TACC2: variants seen among roughly 807,000 people sequenced by gnomAD.
TACC2 encodes transforming acidic coiled-coil containing protein 2.
TACC2 carries 137 observed loss-of-function variants against 227.3 expected under a neutral mutation model. The observed-to-expected ratio is 0.60, with a 90% CI of 0.52 to 0.69. TACC2 has a LOEUF of 0.69. Among genes scored for constraint, TACC2 ranks in the 30% least tolerant of loss-of-function variants. The probability of loss-of-function intolerance (pLI) is 0.00; values close to 1 mark genes in which losing one functional copy is unlikely to be tolerated. For missense variants in TACC2, 3,470 were observed against 3,694.4 expected, an observed-to-expected ratio of 0.94 and a Z score of 1.57; for synonymous variants, 1,523 against 1,487.5, an observed-to-expected ratio of 1.02 and a Z score of -0.55.
chr10:122,195,876 C>CA (rs559558666), intron 8 of TACC2, among the ~76,000 whole-genome samples: 98 of 152,330 alleles, frequency 6.4e-4, no homozygotes, highest in African/African-American at 2.3e-3. Context: ...ACAGGCTGGC[C>CA]AGGGGGCCCA....
At chr10:122,139,193 C>G (rs1333323584) in intron 6 of TACC2, among the ~76,000 whole-genome samples, 1 of 152,260 alleles carries the variant, frequency 6.6e-6, no homozygotes, top group Non-Finnish European at 1.5e-5. Context: ...CATCCCTCCT[C>G]TGAGCACGGG....
chr10:122,188,529 T>TCTG (rs547729234), intron 7 of TACC2, among the ~76,000 whole-genome samples: 110 of 152,322 alleles, frequency 7.2e-4, no homozygotes, highest in Non-Finnish European at 1.5e-3. Context: ...CCTCAGGTCA[T>TCTG]CTGCCTGCCT....
intron 5 of TACC2, among the ~76,000 whole-genome samples, chr10:122,095,187 G>A (rs2081251070): frequency 6.6e-6 from 1 of 152,140 alleles, no homozygotes; most frequent in Non-Finnish European, 1.5e-5. Flanking sequence ...GGGGGATGGG[G>A]ATCTTCCTTT....
chr10:122,038,901 A>C (rs1408397089), intron 2 of TACC2, among the ~76,000 whole-genome samples: 1 of 152,196 alleles, frequency 6.6e-6, no homozygotes, highest in East Asian at 1.9e-4. Context: ...TGAGTTTTGC[A>C]GGTGGGGGAA....
intron 19 of TACC2, 100 bp downstream of exon 19, chr10:122,242,101 G>A (rs1589889307): frequency 1.8e-6 from 2 of 1,104,642 alleles, no homozygotes; most frequent in East Asian, 2.3e-5. Context: ...TTCTGGTAGA[G>A]CGTGAAGCCT....
At position 122,248,826 on chromosome 10, in the gene TACC2, C is replaced by T. The variant is rs748270147; in HGVS notation, c.8553+23C>T. The T allele has an allele frequency of 1.2e-4, 186 of 1,613,398 alleles. 2 individuals are homozygous for T. The highest frequency in any genetic ancestry group is 4.9e-4 in the Middle Eastern group (3 of 6,080). ...AAGGTAGGGCTGAGTTTGGGGGCCA[C>T]GGAGGAGGAGGATCTGATTGGGAGA... On this transcript the variant is annotated intron_variant, in intron 20 of 22. Coordinates refer to ENST00000369005, the MANE Select transcript of TACC2 (RefSeq NM_206862.4).
intron 16 of TACC2, 22 bp from the exon 17 acceptor site, chr10:122,237,373 T>G (rs762463356): frequency 6.3e-7 from 1 of 1,590,472 alleles, no homozygotes; most frequent in Non-Finnish European, 8.6e-7. Context: ...TGTTTTTTTT[T>G]TAATTAAAAA....
At chr10:122,252,839 G>C (rs2096276906) in intron 22 of TACC2, among the ~76,000 whole-genome samples, 1 of 152,154 alleles carries the variant, frequency 6.6e-6, no homozygotes, top group African/African-American at 2.4e-5. Context: ...ATCCCATTCA[G>C]AGCCCCATCG....
At chr10:122,058,790 G>T (rs1373455510) in intron 3 of TACC2, among the ~76,000 whole-genome samples, 1 of 151,984 alleles carries the variant, frequency 6.6e-6, no homozygotes, top group Non-Finnish European at 1.5e-5. Flanking sequence ...AGATGCTAAG[G>T]TTCTGGATCA....
intron 1 of TACC2, among the ~76,000 whole-genome samples, chr10:122,012,187 C>G (rs11200326): frequency 0.46 from 69,233 of 151,558 alleles, 15,968 homozygotes; most frequent in South Asian, 0.62. Context: ...TTTGGGAGGC[C>G]AAGGCGGGTG....
At chr10:122,191,412 CA>C (rs1398120442) in intron 7 of TACC2, among the ~76,000 whole-genome samples, 5 of 152,102 alleles carry the variant, frequency 3.3e-5, no homozygotes, top group African/African-American at 1.2e-4. Flanking sequence ...TGTTACAAGC[CA>C]GGGGTGTCCA....
intron 11 of TACC2, chr10:122,217,059 G>A (rs1259833591): frequency 1.3e-6 from 1 of 789,482 alleles, no homozygotes; most frequent in Admixed American, 2.9e-5. Context: ...CCAGCACGGT[G>A]CCCTCTAACT....
At chr10:122,251,460 C>T (rs1412855393) in intron 22 of TACC2, among the ~76,000 whole-genome samples, 1 of 152,144 alleles carries the variant, frequency 6.6e-6, no homozygotes, top group Non-Finnish European at 1.5e-5. Flanking sequence ...GTTGAGTGTG[C>T]ATTTTCTATT....
chr10:122,051,995 C>G (rs1041717132), intron 3 of TACC2: 1 of 152,020 alleles, frequency 6.6e-6, no homozygotes, highest in African/African-American at 2.4e-5. Flanking sequence ...CAAACAGCAC[C>G]TTTGATCTCT....
rs1442203613 is a variant in TACC2, at chr10:122,143,627, G to A, written c.5755G>A (p.Val1919Ile). The change falls in exon 7 of 23, where the codon GTT becomes ATT. Residue 1919 changes from valine to isoleucine, a missense_variant. By Grantham distance (29) the Val-to-Ile change is conservative (BLOSUM62 3). This residue lies in a region of TACC2 where 1,924 missense variants were observed against 1,978.3 expected (regional missense o/e 0.97). Transcript: ENST00000369005. ...GLPPSAAEHIVSPSAPAGDRV... is the reference protein window; with the variant it reads ...GLPPSAAEHIISPSAPAGDRV... ...TCCTCCCTCGGCTGCAGAACACATAGTTTCGCCATCTGCCCCAGCTGGTGA... is the reference window on the plus strand; with the variant it reads ...TCCTCCCTCGGCTGCAGAACACATAATTTCGCCATCTGCCCCAGCTGGTGA... 1 of 1,614,120 alleles carries A rather than the reference G, an allele frequency of 6.2e-7. No homozygotes were observed. Among genetic ancestry groups the A allele is most frequent in the Admixed American group, 1.7e-5 (1 of 60,032 alleles).
chr10:122,087,140 C>T lies in TACC2; in HGVS notation c.4640C>T (p.Ser1547Leu), dbSNP rs757170587. ...CCAGGCCTGGAAGGCCAGGCTTACT[C>T]ACAGCTGGAGAGGAGCAGGCAGGAA... ...AWPGLEGQAY[S>L]QLERSRQELA... Residue 1547 changes from serine (S) to leucine (L), a missense_variant, in exon 4 of 23, where the codon TCA becomes TTA. Physicochemically the swap from Ser to Leu is moderately radical, Grantham distance 145. This residue lies in a region of TACC2 where 1,924 missense variants were observed against 1,978.3 expected (regional missense o/e 0.97). Coordinates refer to ENST00000369005, the MANE Select transcript of TACC2 (RefSeq NM_206862.4). 1.1e-5 allele frequency: 17 copies of T among 1,610,760 alleles called. No homozygotes were observed. Among genetic ancestry groups the T allele is most frequent in the Non-Finnish European group, 1.4e-5 (17 of 1,179,048 alleles).
intron 5 of TACC2, among the ~76,000 whole-genome samples, chr10:122,089,263 A>T (rs60995025): frequency 2.0e-5 from 3 of 152,132 alleles, no homozygotes; most frequent in African/African-American, 7.2e-5. Flanking sequence ...GAAACCCTAC[A>T]GCCCCTAGAT....
rs551884440 is a variant in TACC2 at position 122,188,372 on chromosome 10, C to G, written c.5835-6668C>G. Among the ~76,000 whole-genome samples, 24 of 152,220 alleles carry G rather than the reference C, an allele frequency of 1.6e-4. No individual in the cohort carries two copies. The East Asian group carries it at 3.3e-3, about 21-fold the overall frequency. On this transcript the variant is annotated intron_variant, in intron 7 of 22. Coordinates refer to ENST00000369005, the MANE Select transcript of TACC2 (RefSeq NM_206862.4). ...TTGGCTCACTACAACCTCTGCCTCC[C>G]GGGTTCAAACAATTCTCTTGCCTCG...
In TACC2 at chr10:122,194,998, T is replaced by C; in HGVS notation, c.5835-42T>C. ...GCCACACCGGCTCAGCAGAACTGGC[T>C]CTGGGCCCCTGTCTAACCTGTGCTT... On this transcript the variant is annotated intron_variant, in intron 7 of 22. Coordinates refer to ENST00000369005, the MANE Select transcript of TACC2 (RefSeq NM_206862.4). This position sits in a 1 kb window ranked among gnomAD's most constrained non-coding sequence, Gnocchi z 4.4. 1.9e-6 allele frequency: 3 copies of C among 1,567,332 alleles called. No individual in the cohort carries two copies. Among genetic ancestry groups the C allele is most frequent in the Non-Finnish European group, 1.7e-6 (2 of 1,153,238 alleles).
Sources: gnomAD v4.1 joint callset for allele counts (sites outside exome capture counted in the v4.1 genomes callset) on GRCh38, gnomAD v4.1.1 for gene constraint, gnomAD v4.1.1 regional missense constraint, Gnocchi (gnomAD v3.1) non-coding constraint, MANE v1.5 for transcripts, NCBI Gene and HGNC (gene_info 2026-07-23, HGNC 2026-07-21) for gene names.